Variants in PPFIBP1 observed in about 807,000 individuals in gnomAD.
The protein encoded by PPFIBP1 is liprin-beta-1.
Under a neutral mutation model 137.8 loss-of-function variants are expected in PPFIBP1, and 112 were observed. That is an observed-to-expected ratio of 0.81 (90% CI 0.70 to 0.95). The LOEUF (loss-of-function observed/expected upper bound fraction) is 0.95. Among genes scored for constraint, PPFIBP1 ranks in the 40% least tolerant of loss-of-function variants. The pLI, the probability that PPFIBP1 is intolerant of heterozygous loss-of-function variation, is 0.00. For missense variants in PPFIBP1, 1,083 were observed against 1,196.6 expected, an observed-to-expected ratio of 0.91 and a Z score of 1.40; for synonymous variants, 378 against 417.3, an observed-to-expected ratio of 0.91 and a Z score of 1.15.
intron 2 of PPFIBP1, among the ~76,000 whole-genome samples, chr12:27,626,984 A>C (rs1442687994): frequency 2.0e-5 from 3 of 152,176 alleles, no homozygotes; most frequent in African/African-American, 7.2e-5. Context: ...TTATGAGTAC[A>C]TAGTAGGTAT....
intron 26 of PPFIBP1, 30 bp downstream of exon 26, chr12:27,688,453 T>A: frequency 1.2e-6 from 2 of 1,609,688 alleles, no homozygotes; most frequent in Non-Finnish European, 1.7e-6. Flanking sequence ...TAAAATTGAC[T>A]TACTTTGCTT....
chr12:27,624,948 AT>A (rs2056684473), intron 2 of PPFIBP1, among the ~76,000 whole-genome samples: 1 of 152,244 alleles, frequency 6.6e-6, no homozygotes, highest in African/African-American at 2.4e-5. Flanking sequence ...ACGTTTTATT[AT>A]GGAAAGCTTC....
At chr12:27,609,727 C>T (rs2054888568) in intron 2 of PPFIBP1, among the ~76,000 whole-genome samples, 1 of 152,162 alleles carries the variant, frequency 6.6e-6, no homozygotes, top group African/African-American at 2.4e-5. Context: ...CATTTTCAGC[C>T]TCATTTGCAG....
At chr12:27,617,048 C>T (rs1393008803) in intron 2 of PPFIBP1, among the ~76,000 whole-genome samples, 1 of 152,172 alleles carries the variant, frequency 6.6e-6, no homozygotes, top group Non-Finnish European at 1.5e-5. Flanking sequence ...AATCAAGAGG[C>T]AGCAAGATGT....
chr12:27,526,930 A>G (rs1363462539), intron 1 of PPFIBP1, among the ~76,000 whole-genome samples: 1 of 152,212 alleles, frequency 6.6e-6, no homozygotes, highest in Non-Finnish European at 1.5e-5. Flanking sequence ...CCAGATCAAT[A>G]GTGCCTAATT....
intron 2 of PPFIBP1, among the ~76,000 whole-genome samples, chr12:27,611,092 A>G (rs994439038): frequency 1.3e-5 from 2 of 152,222 alleles, no homozygotes; most frequent in African/African-American, 4.8e-5. Flanking sequence ...AATGTTTGTT[A>G]TGATACTGGA....
At chr12:27,627,270 AC>A (rs2056897092) in intron 2 of PPFIBP1, among the ~76,000 whole-genome samples, 1 of 152,180 alleles carries the variant, frequency 6.6e-6, no homozygotes, top group Non-Finnish European at 1.5e-5. Flanking sequence ...TAATTGATTA[AC>A]CTTCTGAGAC....
At chr12:27,552,394 G>A (rs1427985578) in intron 1 of PPFIBP1, among the ~76,000 whole-genome samples, 1 of 152,216 alleles carries the variant, frequency 6.6e-6, no homozygotes, top group African/African-American at 2.4e-5. Context: ...CCACCGGCCA[G>A]CCAAGTTGTC....
At chr12:27,560,932 A>C (rs1348014718) in intron 1 of PPFIBP1, among the ~76,000 whole-genome samples, 2 of 36,102 alleles carry the variant, frequency 5.5e-5, no homozygotes, top group African/African-American at 8.7e-5. Context: ...TCACCTGAAG[A>C]GATGATTTTT....
At chr12:27,604,342 T>A (rs1230590211) in intron 2 of PPFIBP1, among the ~76,000 whole-genome samples, 5 of 152,220 alleles carry the variant, frequency 3.3e-5, no homozygotes, top group South Asian at 2.1e-4. Context: ...AATAATTAAC[T>A]TTAATTTAAT....
At chr12:27,667,462 C>A in intron 13 of PPFIBP1, 142 bp downstream of exon 13, 1 of 697,732 alleles carries the variant, frequency 1.4e-6, no homozygotes, top group Non-Finnish European at 2.1e-6. Context: ...AATAAATTGA[C>A]TTTGGCCACT....
At chr12:27,609,575 G>C (rs535563264) in intron 2 of PPFIBP1, among the ~76,000 whole-genome samples, 1 of 152,126 alleles carries the variant, frequency 6.6e-6, no homozygotes, top group East Asian at 1.9e-4. Context: ...TGTATAAGAC[G>C]CAGGGAGATT....
intron 1 of PPFIBP1, among the ~76,000 whole-genome samples, chr12:27,570,050 C>T (rs1050563934): frequency 2.6e-5 from 4 of 152,098 alleles, no homozygotes; most frequent in Admixed American, 1.3e-4. Flanking sequence ...TCTACAACAT[C>T]GCCACCGGTG....
chr12:27,524,394 G>C (rs1298014917), intron 1 of PPFIBP1, 29 bp downstream of exon 1: 2 of 152,168 alleles, frequency 1.3e-5, no homozygotes, highest in African/African-American at 2.4e-5. Context: ...ACTCCCAGAC[G>C]GGAGGGAAGT....
intron 2 of PPFIBP1, among the ~76,000 whole-genome samples, chr12:27,627,440 T>A (rs1207330521): frequency 6.6e-6 from 1 of 152,222 alleles, no homozygotes; most frequent in Non-Finnish European, 1.5e-5. Flanking sequence ...CTCTGAAGAT[T>A]CCTTCTTTCA....
chr12:27,537,071 CCTT>C (rs1440646027), intron 1 of PPFIBP1, among the ~76,000 whole-genome samples: 1 of 152,166 alleles, frequency 6.6e-6, no homozygotes, highest in East Asian at 1.9e-4. Flanking sequence ...TTCGCATCCT[CCTT>C]CTCTCTGATA....
chr12:27,547,238 G>A (rs1052118026), intron 1 of PPFIBP1: 16 of 152,142 alleles, frequency 1.1e-4, no homozygotes, highest in African/African-American at 3.4e-4. Flanking sequence ...CATGATGTTG[G>A]GACAAGCAAA....
At chr12:27,652,059 A>G (rs1331152085) in intron 7 of PPFIBP1, among the ~76,000 whole-genome samples, 1 of 152,240 alleles carries the variant, frequency 6.6e-6, no homozygotes, top group African/African-American at 2.4e-5. Flanking sequence ...GATGTTACAT[A>G]TGAAAATAAT....
At chr12:27,535,568 C>CA (rs910497009) in intron 1 of PPFIBP1, among the ~76,000 whole-genome samples, 2 of 145,600 alleles carry the variant, frequency 1.4e-5, no homozygotes, top group African/African-American at 5.0e-5. Context: ...GCGTGCCTGG[C>CA]AATTTTTTTT....
Sources: allele counts gnomAD v4.1 joint callset (sites outside exome capture counted in the v4.1 genomes callset), GRCh38; gene constraint gnomAD v4.1.1; transcripts MANE v1.5; gene names NCBI Gene and HGNC (gene_info 2026-07-23, HGNC 2026-07-21).